RYR3: variants seen among roughly 807,000 people sequenced by gnomAD.
RYR3 encodes brain ryanodine receptor-calcium release channel.
Under a neutral mutation model 584.3 loss-of-function variants are expected in RYR3, and 207 were observed. That is an observed-to-expected ratio of 0.35 (90% CI 0.32 to 0.40). The LOEUF (loss-of-function observed/expected upper bound fraction) is 0.40, where lower values mean the gene tolerates loss of function less well. Ranked by LOEUF, RYR3 falls within the 10% of genes least tolerant of loss-of-function variation. RYR3 has a pLI of 1.00. For missense variants in RYR3, 5,616 were observed against 6,089.2 expected (o/e 0.92, Z 2.59); for synonymous variants, 2,416 against 2,248.5 (o/e 1.07, Z -2.11).
intron 10 of RYR3, among the ~76,000 whole-genome samples, chr15:33,558,917 G>T (rs1472788034): frequency 6.6e-6 from 1 of 152,162 alleles, no homozygotes; most frequent in Non-Finnish European, 1.5e-5. Flanking sequence ...GGGAAGCTGG[G>T]GGAAAGCCTT....
At chr15:33,460,539 C>T (rs1396132932) in intron 1 of RYR3, among the ~76,000 whole-genome samples, 2 of 152,186 alleles carry the variant, frequency 1.3e-5, no homozygotes, top group Non-Finnish European at 2.9e-5. Flanking sequence ...TCATACAGAA[C>T]TGGATTTACA....
chr15:33,488,626 G>A (rs531222681), intron 2 of RYR3, among the ~76,000 whole-genome samples: 19 of 152,218 alleles, frequency 1.2e-4, no homozygotes, highest in Middle Eastern at 3.4e-3. Flanking sequence ...GACAAGGCGG[G>A]CAGATCACAA....
chr15:33,382,673 C>G (rs1467947832), intron 1 of RYR3, among the ~76,000 whole-genome samples: 2 of 152,040 alleles, frequency 1.3e-5, no homozygotes, highest in Non-Finnish European at 2.9e-5. Flanking sequence ...TGAAGTAGAT[C>G]TGTGTACATT....
intron 100 of RYR3, among the ~76,000 whole-genome samples, chr15:33,860,368 G>T (rs1887725864): frequency 1.3e-5 from 2 of 152,272 alleles, no homozygotes; most frequent in African/African-American, 4.8e-5. Context: ...TTTCAGGGAG[G>T]AGCAAGTAGT....
intron 27 of RYR3, among the ~76,000 whole-genome samples, chr15:33,640,674 C>T (rs955270506): frequency 6.6e-6 from 1 of 152,142 alleles, no homozygotes; most frequent in African/African-American, 2.4e-5. Flanking sequence ...CTTATAATAC[C>T]AAGTGTATCA....
At chr15:33,437,585 C>T (rs2045847324) in intron 1 of RYR3, among the ~76,000 whole-genome samples, 1 of 152,182 alleles carries the variant, frequency 6.6e-6, no homozygotes, top group Non-Finnish European at 1.5e-5. Flanking sequence ...GTAGTTTCCA[C>T]TGTGGAAGAA....
intron 72 of RYR3, among the ~76,000 whole-genome samples, chr15:33,811,366 G>A (rs140646001): frequency 0.056 from 8,491 of 152,064 alleles, 327 homozygotes; most frequent in South Asian, 0.084. Flanking sequence ...TTAGCCGGGC[G>A]TGGTGGCGGG....
chr15:33,503,773 G>T, intron 3 of RYR3, 35 bp downstream of exon 3: 2 of 1,312,772 alleles, frequency 1.5e-6, no homozygotes, highest in Non-Finnish European at 2.2e-6. Flanking sequence ...GTTGGGATTG[G>T]GGTGCACCAC....
intron 3 of RYR3, among the ~76,000 whole-genome samples, chr15:33,522,821 T>A (rs914076213): frequency 6.6e-6 from 1 of 152,154 alleles, no homozygotes. Context: ...GCCATACTCA[T>A]CTGTGCATGT....
At chr15:33,604,558 G>T (rs2059817977) in intron 18 of RYR3, among the ~76,000 whole-genome samples, 2 of 152,150 alleles carry the variant, frequency 1.3e-5, no homozygotes, top group South Asian at 4.1e-4. Context: ...GGGGAAGAAT[G>T]AAAAAAAGCC....
At chr15:33,457,524 A>C (rs1437299110) in intron 1 of RYR3, among the ~76,000 whole-genome samples, 2 of 152,164 alleles carry the variant, frequency 1.3e-5, no homozygotes, top group Non-Finnish European at 2.9e-5. Context: ...GTGAAATCTA[A>C]AGAAATTGAT....
At chr15:33,630,334 G>A (rs1555382705) in intron 22 of RYR3, among the ~76,000 whole-genome samples, 1 of 151,972 alleles carries the variant, frequency 6.6e-6, no homozygotes, top group Non-Finnish European at 1.5e-5. Context: ...ATTAAATAAA[G>A]GAAAAAAAAT....
At chr15:33,559,130 G>A (rs2057266567) in intron 10 of RYR3, among the ~76,000 whole-genome samples, 1 of 152,100 alleles carries the variant, frequency 6.6e-6, no homozygotes, top group Admixed American at 6.6e-5. Context: ...GAGTTGGTTT[G>A]CATATAAAAG....
Position 33,843,469 on chromosome 15 carries a change from C to T in RYR3, c.13210-19C>T, listed in dbSNP as rs1363421397. The T allele has an allele frequency of 1.9e-6, 3 of 1,562,234 alleles. No individual in the cohort carries two copies. Among genetic ancestry groups the T allele is most frequent in the South Asian group, 2.3e-5 (2 of 86,712 alleles). ...TCCTTCCAAAGCTCTTCTACTTCTG[C>T]CTGTCCTTTTCTTTGCAGCATTACC... On this transcript the variant is annotated intron_variant, in intron 91 of 103. Coordinates refer to ENST00000634891, the MANE Select transcript of RYR3 (RefSeq NM_001036.6).
At chr15:33,614,850 A>G (rs11637847) in intron 19 of RYR3, among the ~76,000 whole-genome samples, 71,406 of 151,858 alleles carry the variant, frequency 0.47, 18,949 homozygotes, top group Non-Finnish European at 0.59. Flanking sequence ...CAAAGAAAAT[A>G]GGAGGAACTC....
chr15:33,513,952 T>C (rs1302943008), intron 3 of RYR3, among the ~76,000 whole-genome samples: 2 of 152,226 alleles, frequency 1.3e-5, no homozygotes, highest in Non-Finnish European at 2.9e-5. Flanking sequence ...GAAATTGTAC[T>C]TGTTCTTGAA....
rs371876112 is a variant in RYR3 at position 33,854,319 on chromosome 15, T to C, written c.13800-70T>C. The C allele has an allele frequency of 9.3e-5, 124 of 1,329,380 alleles. 1 individual carries two copies. The highest frequency in any genetic ancestry group is 4.3e-4 in the East Asian group (17 of 39,726). 82.3% of individuals were successfully genotyped at this position (1,329,380 alleles called of 1,614,324 possible). On this transcript the variant is annotated intron_variant, in intron 96 of 103. Coordinates refer to ENST00000634891, the MANE Select transcript of RYR3 (RefSeq NM_001036.6). ...TAAACCTGAGAGAAAAAACTTACTT[T>C]TTCCCCCTTATTGAGCACTTAACTA... is the stretch of plus-strand genomic sequence containing the variant.
chr15:33,524,653 G>A (rs2054262137), intron 3 of RYR3, among the ~76,000 whole-genome samples: 1 of 152,090 alleles, frequency 6.6e-6, no homozygotes, highest in Non-Finnish European at 1.5e-5. Flanking sequence ...CAGCTAAATT[G>A]CAACTCTGAT....
chr15:33,857,394 G>A (rs1339005806), intron 98 of RYR3, among the ~76,000 whole-genome samples: 4 of 149,576 alleles, frequency 2.7e-5, no homozygotes, highest in East Asian at 3.9e-4. Context: ...TAAGGATGCC[G>A]GTGAGATTGG....
Sources: allele counts gnomAD v4.1 joint callset (sites outside exome capture counted in the v4.1 genomes callset), GRCh38; gene constraint gnomAD v4.1.1; transcripts MANE v1.5; gene names NCBI Gene and HGNC (gene_info 2026-07-23, HGNC 2026-07-21).